The following RCN3 variants were observed in gnomAD, a reference collection of about 807,000 sequenced individuals.
The protein encoded by RCN3 is reticulocalbin 3.
RCN3 carries 41 observed loss-of-function variants against 35.9 expected under a neutral mutation model. That is an observed-to-expected ratio of 1.14 (90% confidence interval 0.89 to 1.48). The LOEUF is 1.48. RCN3 is among the 40% of genes most tolerant of loss of function. The probability of loss-of-function intolerance (pLI) is 0.00; values close to 1 mark genes in which losing one functional copy is unlikely to be tolerated. For missense variants in RCN3, 451 were observed against 471.3 expected, an observed-to-expected ratio of 0.96 and a Z score of 0.40; for synonymous variants, 187 against 193.4, an observed-to-expected ratio of 0.97 and a Z score of 0.27.
At position 49,534,216 on chromosome 19, in the gene RCN3, G is replaced by A; in HGVS notation, c.266G>A (p.Arg89His). The A allele has an allele frequency of 6.7e-7, 1 of 1,488,388 alleles. No homozygotes were observed. Among genetic ancestry groups the A allele is most frequent in the Non-Finnish European group, 8.9e-7 (1 of 1,124,130 alleles). 92.2% of individuals were successfully genotyped at this position (1,488,388 alleles called of 1,614,324 possible). The part of the protein sequence containing the change: ...RLGRIVDRMD[R>H]AGDGDGWVSL... ...AGGCGGATCGTGGACCGCATGGACC[G>A]CGCGGGGGACGGCGACGGCTGGGTG... Residue 89 changes from arginine (R) to histidine (H), a missense_variant, in exon 3 of 7, where the codon CGC (arginine) becomes CAC (histidine). Transcript: ENST00000270645.
intron 2 of RCN3, among the ~76,000 whole-genome samples, chr19:49,533,493 C>G (rs2080118674): frequency 6.6e-6 from 1 of 151,860 alleles, no homozygotes; most frequent in South Asian, 2.1e-4. Flanking sequence ...AGAGATGGAA[C>G]CTAAAGTGGC....
intron 6 of RCN3, 57 bp downstream of exon 6, chr19:49,542,809 TC>T: frequency 1.4e-6 from 2 of 1,478,226 alleles, no homozygotes; most frequent in Non-Finnish European, 1.8e-6. Context: ...CGGGCCAGAC[TC>T]CAGAAAGGAG....
At chr19:49,531,613 CA>C (rs1016635882) in intron 2 of RCN3, among the ~76,000 whole-genome samples, 24 of 152,170 alleles carry the variant, frequency 1.6e-4, no homozygotes, top group Middle Eastern at 3.4e-3. Flanking sequence ...AGGTGGAAGA[CA>C]AGACAAGATG....
At chr19:49,535,873 T>TATATAGATAG (rs1555811318) in intron 3 of RCN3, among the ~76,000 whole-genome samples, 8 of 144,796 alleles carry the variant, frequency 5.5e-5, no homozygotes, top group African/African-American at 1.8e-4. Context: ...TATATATATA[T>TATATAGATAG]ATAGATAGAT....
In RCN3 at chr19:49,542,573, C is replaced by G. The variant is rs1209328628; in HGVS notation, c.700C>G (p.Pro234Ala). The G allele has an allele frequency of 6.2e-7, 1 of 1,604,046 alleles. No homozygotes were observed. The highest frequency in any genetic ancestry group is 1.7e-5 in the Admixed American group (1 of 57,936). Residue 234 changes from proline (P) to alanine (A), a missense_variant, in exon 6 of 7, where the codon CCT becomes GCT. Transcript: ENST00000270645. The part of the protein sequence containing the change: ...EYIADLYSAE[P>A]GEEEPAWVQT... ...CCCAGCGGATCTGTACTCAGCCGAG[C>G]CTGGGGAGGAGGAGCCGGCGTGGGT...
intron 2 of RCN3, among the ~76,000 whole-genome samples, chr19:49,529,639 T>C (rs910695052): frequency 6.6e-6 from 1 of 151,894 alleles, no homozygotes; most frequent in African/African-American, 2.4e-5. Context: ...AGTCAATAAG[T>C]AGAAAGTGGA....
At chr19:49,542,450 C>A in intron 5 of RCN3, 103 bp from the exon 6 acceptor site, 1 of 781,460 alleles carries the variant, frequency 1.3e-6, no homozygotes, top group Non-Finnish European at 2.1e-6. Flanking sequence ...TAGTGAGTTG[C>A]TCAAGGGCCT....
chr19:49,542,898 G>A, intron 6 of RCN3, 146 bp downstream of exon 6: 10 of 919,978 alleles, frequency 1.1e-5, no homozygotes, highest in Non-Finnish European at 1.5e-5. Context: ...GGAAAAGAGA[G>A]GGCACGGAGC....
chr19:49,532,534 C>T (rs1050780801), intron 2 of RCN3, among the ~76,000 whole-genome samples: 8 of 152,048 alleles, frequency 5.3e-5, no homozygotes, highest in Non-Finnish European at 1.2e-4. Context: ...CACCACTGTG[C>T]CCGGCTACTT....
intron 2 of RCN3, among the ~76,000 whole-genome samples, chr19:49,533,042 G>A (rs1037027257): frequency 6.6e-6 from 1 of 152,110 alleles, no homozygotes; most frequent in Non-Finnish European, 1.5e-5. Flanking sequence ...GGTAGGTACC[G>A]TTTTTTCTTC....
Position 49,543,194 on chromosome 19 carries a change from G to T in RCN3, c.968G>T (p.Arg323Leu), listed in dbSNP as rs749620445. ...QATNYGEDLT[R>L]HHDEL ...ACCAACTATGGCGAGGACCTGACCC[G>T]GCACCACGATGAGCTGTGAGCACCG... The change falls in exon 7 of 7, where the codon CGG (arginine) becomes CTG (leucine). Residue 323 changes from arginine to leucine, a missense_variant. Transcript: ENST00000270645. The T allele has an allele frequency of 6.2e-7, 1 of 1,613,322 alleles. No homozygotes were observed.
chr19:49,534,419 G>T, intron 3 of RCN3, 24 bp downstream of exon 3: 1 of 1,535,422 alleles, frequency 6.5e-7, no homozygotes. Context: ...CCCCGACCCT[G>T]CTCCCCATAC....
intron 4 of RCN3, among the ~76,000 whole-genome samples, chr19:49,538,819 G>A (rs969997779): frequency 2.0e-5 from 3 of 152,152 alleles, no homozygotes; most frequent in Non-Finnish European, 2.9e-5. Flanking sequence ...GCTGGGGCTT[G>A]AGCAAGTTAT....
Position 49,543,364 on chromosome 19 carries a change from C to T in RCN3, c.*151C>T, listed in dbSNP as rs1461228699. 7.5e-6 allele frequency: 5 copies of T among 667,388 alleles called. No homozygotes were observed. The highest frequency in any genetic ancestry group is 2.4e-5 in the Admixed American group (1 of 42,180). 41.3% of individuals were successfully genotyped at this position (667,388 alleles called of 1,614,324 possible). Reference sequence around the variant, plus strand: ...CTGGGCTCTCAGGGACCCCCTGGGTCGGCTTCTGTCCCTGTCACACCCCCA... The same window carrying T: ...CTGGGCTCTCAGGGACCCCCTGGGTTGGCTTCTGTCCCTGTCACACCCCCA... On this transcript the variant is annotated 3_prime_UTR_variant, in exon 7 of 7. Transcript: ENST00000270645.
chr19:49,540,607 C>T (rs537173852), intron 5 of RCN3, among the ~76,000 whole-genome samples: 1 of 149,018 alleles, frequency 6.7e-6, no homozygotes, highest in Non-Finnish European at 1.5e-5. Context: ...GCAACAAGAG[C>T]GAAACTCCAT....
chr19:49,537,207 T>A lies in RCN3; in HGVS notation c.618+2T>A. On this transcript the variant is annotated splice_donor_variant, in intron 4 of 6. Transcript: ENST00000270645. LOFTEE classifies it high-confidence loss of function. Reference sequence around the variant, plus strand: ...CACATGCGGGACATCGTGATTGCTGTGAGTGGCGGCTGGGGAACCCTGTCC... The same window carrying A: ...CACATGCGGGACATCGTGATTGCTGAGAGTGGCGGCTGGGGAACCCTGTCC... 6.7e-7 allele frequency: 1 copy of A among 1,501,492 alleles called. No homozygotes were observed. The highest frequency in any genetic ancestry group is 8.9e-7 in the Non-Finnish European group (1 of 1,117,760). The allele number at this position is 1,501,492 out of a possible 1,614,324, so 93.0% of individuals were successfully genotyped here.
intron 5 of RCN3, among the ~76,000 whole-genome samples, chr19:49,541,610 G>A (rs138297670): frequency 0.02 from 3,032 of 152,160 alleles, 111 homozygotes; most frequent in African/African-American, 0.069. Flanking sequence ...TTAGCTGGGC[G>A]TGGTGGCGGG....
At position 49,534,365 on chromosome 19, in the gene RCN3, C is replaced by T. The variant is rs1413697303; in HGVS notation, c.415C>T (p.Arg139Cys). ...RDGRVGWEEL[R>C]NATYGHYAPG... ...CGGGCGTGTGGGTTGGGAGGAGCTG[C>T]GCAACGCCACCTATGGCCACTACGC... The change falls in exon 3 of 7, where the codon CGC becomes TGC. Residue 139 changes from arginine to cysteine, a missense_variant. Physicochemically the swap from Arg to Cys is radical, Grantham distance 180 (BLOSUM62 -3). Coordinates refer to ENST00000270645, the MANE Select transcript of RCN3 (RefSeq NM_020650.3). 10 of 1,537,024 alleles carry T rather than the reference C, an allele frequency of 6.5e-6. No individual in the cohort carries two copies. Among genetic ancestry groups the T allele is most frequent in the South Asian group, 1.2e-5 (1 of 83,288 alleles).
chr19:49,528,174 T>C, intron 1 of RCN3, 116 bp downstream of exon 1: 1 of 356,408 alleles, frequency 2.8e-6, no homozygotes, highest in Middle Eastern at 7.3e-4. Context: ...GCCACAACTA[T>C]GCCCTGCACC....
Sources: gnomAD v4.1 joint callset for allele counts (sites outside exome capture counted in the v4.1 genomes callset) on GRCh38, gnomAD v4.1.1 for gene constraint, MANE v1.5 for transcripts, NCBI Gene and HGNC (gene_info 2026-07-23, HGNC 2026-07-21) for gene names.